ARHGAP26: variants seen among roughly 807,000 people sequenced by gnomAD.
The protein encoded by ARHGAP26 is rho GTPase-activating protein 26.
In ARHGAP26, 38 loss-of-function variants were observed where a neutral mutation model predicts 104.8. The observed-to-expected ratio is 0.36, with a 90% CI of 0.28 to 0.48. The LOEUF (loss-of-function observed/expected upper bound fraction) is 0.48, where lower values mean the gene tolerates loss of function less well. ARHGAP26 is among the 20% of genes least tolerant of loss of function. The probability of loss-of-function intolerance (pLI) is 0.99; values close to 1 mark genes in which losing one functional copy is unlikely to be tolerated. For missense variants in ARHGAP26, 704 were observed against 947.9 expected (o/e 0.74, Z 3.38); for synonymous variants, 341 against 340.0 (o/e 1.00, Z -0.03).
chr5:142,770,605 G>C lies in ARHGAP26; in HGVS notation c.-157G>C, dbSNP rs1754991153. 2.5e-6 allele frequency: 1 copy of C among 406,306 alleles called. No individual in the cohort carries two copies. The highest frequency in any genetic ancestry group is 2.1e-5 in the African/African-American group (1 of 46,574). The allele number at this position is 406,306 out of a possible 1,614,324, so 25.2% of individuals were successfully genotyped here. A position where few individuals can be genotyped will look rare whatever the true frequency, so the allele number is the denominator to read the frequency against. ...CGAGCTCGGTTCGGGAGTCTTGCGC[G>C]CCGGCGGACACCGCGCGCGGAGTGA... On this transcript the variant is annotated 5_prime_UTR_variant, in exon 1 of 23. Coordinates refer to ENST00000645722, the MANE Select transcript of ARHGAP26 (RefSeq NM_001135608.3).
At chr5:143,085,417 G>C (rs1440045891) in intron 17 of ARHGAP26, among the ~76,000 whole-genome samples, 1 of 152,142 alleles carries the variant, frequency 6.6e-6, no homozygotes, top group Non-Finnish European at 1.5e-5. Flanking sequence ...AGAAAAAAGA[G>C]GGGGACAAGA....
At position 143,212,547 on chromosome 5, in the gene ARHGAP26, A is replaced by G. The variant is rs115473945; in HGVS notation, c.2100-1450A>G. ...CTGTTGGAGCTGGTGAATACTAAGG[A>G]CTCTTCTTTCCTTTGTTCCCAGGGG... On this transcript the variant is annotated intron_variant, in intron 21 of 22. Coordinates refer to ENST00000645722, the MANE Select transcript of ARHGAP26 (RefSeq NM_001135608.3). Among the ~76,000 whole-genome samples the G allele has an allele frequency of 4.1e-3, 621 of 151,424 alleles. 1 individual carries two copies. Among genetic ancestry groups the G allele is most frequent in the African/African-American group, 0.014 (595 of 41,206 alleles).
intron 20 of ARHGAP26, among the ~76,000 whole-genome samples, chr5:143,186,583 G>T (rs1433562392): frequency 2.0e-5 from 3 of 152,218 alleles, no homozygotes; most frequent in Non-Finnish European, 4.4e-5. Flanking sequence ...TGCCCTGAAA[G>T]AAGAGTCTGG....
At chr5:142,987,737 G>A (rs1355848639) in intron 11 of ARHGAP26, among the ~76,000 whole-genome samples, 1 of 152,168 alleles carries the variant, frequency 6.6e-6, no homozygotes, top group Non-Finnish European at 1.5e-5. Flanking sequence ...GGCCTTTTCT[G>A]TATCTATTGA....
intron 1 of ARHGAP26, among the ~76,000 whole-genome samples, chr5:142,825,915 G>C (rs1767161295): frequency 1.3e-5 from 2 of 152,278 alleles, no homozygotes; most frequent in South Asian, 4.1e-4. Flanking sequence ...GTGCTGGCTT[G>C]GGAATTGTGG....
intron 9 of ARHGAP26, among the ~76,000 whole-genome samples, chr5:142,911,489 C>T (rs1170720537): frequency 2.0e-5 from 3 of 152,172 alleles, no homozygotes; most frequent in Admixed American, 6.5e-5. Flanking sequence ...GGTCAGATCT[C>T]CTTAACTTTG....
intron 1 of ARHGAP26, among the ~76,000 whole-genome samples, chr5:142,772,496 G>T (rs1755418069): frequency 1.3e-5 from 2 of 152,182 alleles, no homozygotes; most frequent in Admixed American, 1.3e-4. Flanking sequence ...TGTGATTGTG[G>T]TGTACTGGGT....
chr5:142,783,396 A>C (rs1490550650), intron 1 of ARHGAP26, among the ~76,000 whole-genome samples: 1 of 152,214 alleles, frequency 6.6e-6, no homozygotes, highest in Admixed American at 6.5e-5. Context: ...AATCACAGGG[A>C]AACTGTATTC....
intron 1 of ARHGAP26, among the ~76,000 whole-genome samples, chr5:142,819,871 TAAG>T (rs1246040512): frequency 6.6e-6 from 1 of 152,170 alleles, no homozygotes; most frequent in Non-Finnish European, 1.5e-5. Flanking sequence ...TGATGAAAGT[TAAG>T]AAGCCCTGAC....
At chr5:143,031,516 G>C (rs140337614) in intron 12 of ARHGAP26, among the ~76,000 whole-genome samples, 2 of 151,892 alleles carry the variant, frequency 1.3e-5, no homozygotes, top group African/African-American at 4.8e-5. Context: ...GGTAAGAAGT[G>C]GTGCCAAGGG....
chr5:142,826,620 G>C (rs1313254198), intron 1 of ARHGAP26, among the ~76,000 whole-genome samples: 1 of 152,194 alleles, frequency 6.6e-6, no homozygotes, highest in Non-Finnish European at 1.5e-5. Context: ...GCCACACCAT[G>C]TTCTCTCTCA....
At chr5:143,072,726 C>T (rs1433693126) in intron 17 of ARHGAP26, among the ~76,000 whole-genome samples, 1 of 151,828 alleles carries the variant, frequency 6.6e-6, no homozygotes, top group Non-Finnish European at 1.5e-5. Flanking sequence ...GAAGAGAATA[C>T]ATAGAAGTAA....
chr5:143,106,896 G>T (rs940224628), intron 17 of ARHGAP26, among the ~76,000 whole-genome samples: 6 of 152,140 alleles, frequency 3.9e-5, no homozygotes, highest in Non-Finnish European at 7.4e-5. Flanking sequence ...GTAGACTTCT[G>T]GACTGCACTG....
chr5:143,083,763 T>C (rs560160464), intron 17 of ARHGAP26, among the ~76,000 whole-genome samples: 101 of 152,346 alleles, frequency 6.6e-4, no homozygotes, highest in South Asian at 1.7e-3. Flanking sequence ...CCTCCCAAAA[T>C]GCTGGGATTA....
At chr5:143,216,280 G>A (rs1292512779) in intron 22 of ARHGAP26, 1 of 470,972 alleles carries the variant, frequency 2.1e-6, no homozygotes, top group East Asian at 6.9e-5. Flanking sequence ...CTGGCCGCCT[G>A]ACACATCTTC....
At chr5:143,104,402 C>G (rs1793696649) in intron 17 of ARHGAP26, among the ~76,000 whole-genome samples, 1 of 151,968 alleles carries the variant, frequency 6.6e-6, no homozygotes, top group African/African-American at 2.4e-5. Flanking sequence ...TCCCAGCTAC[C>G]TGGGAGACAG....
intron 17 of ARHGAP26, among the ~76,000 whole-genome samples, chr5:143,062,281 A>G (rs1016887359): frequency 5.9e-5 from 9 of 152,136 alleles, no homozygotes; most frequent in African/African-American, 2.2e-4. Flanking sequence ...GGCAAAATTG[A>G]CTTTACTCCA....
intron 11 of ARHGAP26, among the ~76,000 whole-genome samples, chr5:142,932,420 C>A (rs1000221361): frequency 1.2e-4 from 19 of 152,318 alleles, no homozygotes; most frequent in African/African-American, 4.6e-4. Context: ...TAACTTACCT[C>A]CCCTTATAAG....
At chr5:143,008,905 T>C (rs1174879685) in intron 11 of ARHGAP26, among the ~76,000 whole-genome samples, 2 of 152,200 alleles carry the variant, frequency 1.3e-5, no homozygotes, top group African/African-American at 4.8e-5. Flanking sequence ...TAAACTGAAC[T>C]GGCTCAGCAG....
Sources: allele counts gnomAD v4.1 joint callset (sites outside exome capture counted in the v4.1 genomes callset), GRCh38; gene constraint gnomAD v4.1.1; transcripts MANE v1.5; gene names NCBI Gene and HGNC (gene_info 2026-07-23, HGNC 2026-07-21).